The following CPEB1 variants were observed in gnomAD, a reference collection of about 807,000 sequenced individuals.
CPEB1 encodes cytoplasmic polyadenylation element binding protein 1, also known as cytoplasmic polyadenylation element-binding protein 1.
Under a neutral mutation model 65.8 loss-of-function variants are expected in CPEB1, and 7 were observed. That is an observed-to-expected ratio of 0.11 (90% CI 0.06 to 0.20). The LOEUF (loss-of-function observed/expected upper bound fraction) is 0.20, where lower values mean the gene tolerates loss of function less well. CPEB1 is among the 10% of genes least tolerant of loss of function. CPEB1 has a pLI of 1.00. For synonymous variants in CPEB1, 262 were observed against 260.0 expected, an observed-to-expected ratio of 1.01 and a Z score of -0.08; for missense variants, 551 against 712.2, an observed-to-expected ratio of 0.77 and a Z score of 2.58.
intron 2 of CPEB1, among the ~76,000 whole-genome samples, chr15:82,627,614 G>C (rs1238082776): frequency 6.6e-6 from 1 of 151,984 alleles, no homozygotes; most frequent in South Asian, 2.1e-4. Flanking sequence ...CAAGCACCAG[G>C]ATTTAAGGCA....
chr15:82,563,090 G>A (rs188337537), intron 4 of CPEB1, among the ~76,000 whole-genome samples: 4 of 152,288 alleles, frequency 2.6e-5, no homozygotes, highest in East Asian at 3.9e-4. Flanking sequence ...TTCAGGAAAA[G>A]TGATGGCTAG....
intron 1 of CPEB1, among the ~76,000 whole-genome samples, chr15:82,637,439 C>T (rs574564089): frequency 6.6e-6 from 1 of 152,300 alleles, no homozygotes; most frequent in East Asian, 1.9e-4. Context: ...TAAACATCAT[C>T]AGGTCTCTCC....
intron 3 of CPEB1, among the ~76,000 whole-genome samples, chr15:82,614,206 C>T (rs1217378338): frequency 6.6e-6 from 1 of 152,178 alleles, no homozygotes; most frequent in African/African-American, 2.4e-5. Context: ...GCAGCATTAT[C>T]ACAGCTCACT....
chr15:82,631,077 G>A (rs2046205999), intron 1 of CPEB1, among the ~76,000 whole-genome samples: 1 of 152,150 alleles, frequency 6.6e-6, no homozygotes, highest in Non-Finnish European at 1.5e-5. Context: ...TAGTGAGAAA[G>A]TACCACAGTA....
intron 3 of CPEB1, among the ~76,000 whole-genome samples, chr15:82,619,651 A>T (rs2045109687): frequency 6.6e-6 from 1 of 152,192 alleles, no homozygotes. Flanking sequence ...CTTCAAGAAA[A>T]AGGATATCCA....
chr15:82,618,833 C>A (rs897104886), intron 3 of CPEB1, among the ~76,000 whole-genome samples: 2 of 152,182 alleles, frequency 1.3e-5, no homozygotes, highest in Non-Finnish European at 2.9e-5. Context: ...AGGGATATAT[C>A]AACTTCTTGA....
chr15:82,625,928 G>A (rs1417881084), intron 3 of CPEB1, among the ~76,000 whole-genome samples: 2 of 151,742 alleles, frequency 1.3e-5, no homozygotes, highest in Non-Finnish European at 2.9e-5. Flanking sequence ...AGACCAGCCT[G>A]GCCAACATGG....
chr15:82,591,405 C>T (rs1391813464), intron 3 of CPEB1, among the ~76,000 whole-genome samples: 1 of 152,098 alleles, frequency 6.6e-6, no homozygotes, highest in Non-Finnish European at 1.5e-5. Context: ...GAAATTACTA[C>T]GGGCGCCTGC....
chr15:82,553,207 G>C (rs1428677748), intron 8 of CPEB1, among the ~76,000 whole-genome samples: 1 of 152,168 alleles, frequency 6.6e-6, no homozygotes, highest in African/African-American at 2.4e-5. Context: ...CAGGTTTAGA[G>C]AGAAGTGTAC....
At chr15:82,600,812 G>A (rs539557351) in intron 3 of CPEB1, among the ~76,000 whole-genome samples, 5 of 151,362 alleles carry the variant, frequency 3.3e-5, no homozygotes, top group South Asian at 2.1e-4. Context: ...ATAACAAAAC[G>A]ACATGGGTTT....
chr15:82,647,749 G>A (rs1173006618), upstream of CPEB1: 11 of 1,029,930 alleles, frequency 1.1e-5, no homozygotes, highest in African/African-American at 1.7e-5. Flanking sequence ...TCGCCCGCAC[G>A]GGGCGGGGGA....
intron 3 of CPEB1, among the ~76,000 whole-genome samples, chr15:82,618,355 TTC>T (rs2044959133): frequency 6.6e-6 from 1 of 152,204 alleles, no homozygotes; most frequent in Non-Finnish European, 1.5e-5. Context: ...CATATGTATA[TTC>T]TCTCTCATAT....
At chr15:82,576,431 T>C (rs191006204) in intron 3 of CPEB1, among the ~76,000 whole-genome samples, 18 of 152,232 alleles carry the variant, frequency 1.2e-4, no homozygotes, top group African/African-American at 4.3e-4. Flanking sequence ...CTTCACTGCA[T>C]ATAAATTTTA....
rs2034715577 is a variant in CPEB1 at position 82,543,836 on chromosome 15, G to C, written c.*756C>G. 6.6e-6 allele frequency: 1 copy of C among 150,892 alleles called. No individual in the cohort carries two copies. Among genetic ancestry groups the C allele is most frequent in the African/African-American group, 2.4e-5 (1 of 40,984 alleles). The allele number at this position is 150,892 out of a possible 1,614,324, so 9.3% of individuals were successfully genotyped here. On this transcript the variant is annotated 3_prime_UTR_variant, in exon 13 of 13. Transcript: ENST00000684509. ...TAAAACAAAAAATTTTTTTTTTCTT[G>C]GTTGCAAATGCCTTGATTTGCAACT...
chr15:82,568,470 G>A (rs987348129), intron 4 of CPEB1, among the ~76,000 whole-genome samples: 13 of 152,184 alleles, frequency 8.5e-5, no homozygotes, highest in Non-Finnish European at 2.9e-5. Flanking sequence ...GTGCCTCAGG[G>A]TAGGCACAGT....
intron 3 of CPEB1, among the ~76,000 whole-genome samples, chr15:82,581,008 G>A (rs886377951): frequency 8.6e-5 from 13 of 151,936 alleles, no homozygotes; most frequent in Non-Finnish European, 8.8e-5. Context: ...CATGTCACCA[G>A]CCTGGCTAAA....
intron 3 of CPEB1, among the ~76,000 whole-genome samples, chr15:82,600,750 G>C (rs969628950): frequency 3.9e-5 from 6 of 151,998 alleles, no homozygotes; most frequent in African/African-American, 1.5e-4. Context: ...GAAAGAAAAA[G>C]GAATAGAACG....
chr15:82,610,205 T>G (rs2043997395), intron 3 of CPEB1, among the ~76,000 whole-genome samples: 1 of 152,152 alleles, frequency 6.6e-6, no homozygotes, highest in Non-Finnish European at 1.5e-5. Flanking sequence ...ACAAAAAGCC[T>G]GTATTAGTCA....
At chr15:82,600,900 T>A (rs1335862182) in intron 3 of CPEB1, among the ~76,000 whole-genome samples, 1 of 96,196 alleles carries the variant, frequency 1.0e-5, no homozygotes, top group African/African-American at 3.6e-5. Context: ...AACTTGTCTT[T>A]TTTTTTTTTT....
Sources: gnomAD v4.1 joint callset for allele counts (sites outside exome capture counted in the v4.1 genomes callset) on GRCh38, gnomAD v4.1.1 for gene constraint, MANE v1.5 for transcripts, NCBI Gene and HGNC (gene_info 2026-07-23, HGNC 2026-07-21) for gene names.